The following NELL1 variants were observed in gnomAD, a reference collection of about 807,000 sequenced individuals.
The protein encoded by NELL1 is protein kinase C-binding protein NELL1.
In NELL1, 76 loss-of-function variants were observed where a neutral mutation model predicts 107.4. The observed-to-expected ratio is 0.71, with a 90% CI of 0.59 to 0.86. The LOEUF (loss-of-function observed/expected upper bound fraction) is 0.86. Ranked by LOEUF, NELL1 falls within the 40% of genes least tolerant of loss-of-function variation. The pLI is 0.00. For synonymous variants in NELL1, 353 were observed against 341.2 expected (o/e 1.03, Z -0.38); for missense variants, 1,024 against 1,005.5 (o/e 1.02, Z -0.25).
intron 2 of NELL1, among the ~76,000 whole-genome samples, chr11:20,752,968 G>T (rs554799005): frequency 6.6e-6 from 1 of 152,044 alleles, no homozygotes; most frequent in Non-Finnish European, 1.5e-5. Flanking sequence ...ATTAACAGAT[G>T]ACACACACAC....
At chr11:20,931,255 C>A (rs1021744443) in intron 9 of NELL1, among the ~76,000 whole-genome samples, 1 of 152,026 alleles carries the variant, frequency 6.6e-6, no homozygotes, top group Non-Finnish European at 1.5e-5. Context: ...GGATGCTTCC[C>A]GGAGGACATG....
intron 15 of NELL1, among the ~76,000 whole-genome samples, chr11:21,525,761 G>C (rs888948348): frequency 6.6e-6 from 1 of 152,110 alleles, no homozygotes; most frequent in Admixed American, 6.5e-5. Context: ...AGCTTGTGCA[G>C]GGGAACTCCC....
chr11:21,167,991 C>T (rs1856522084), intron 13 of NELL1, among the ~76,000 whole-genome samples: 1 of 151,670 alleles, frequency 6.6e-6, no homozygotes, highest in East Asian at 1.9e-4. Context: ...TAATAGTTTG[C>T]TCATTGACTT....
intron 12 of NELL1, among the ~76,000 whole-genome samples, chr11:21,086,463 G>A (rs963335404): frequency 6.6e-6 from 1 of 152,090 alleles, no homozygotes; most frequent in African/African-American, 2.4e-5. Context: ...AGTCTTTTCA[G>A]GTCATCAATA....
intron 14 of NELL1, among the ~76,000 whole-genome samples, chr11:21,312,714 C>T (rs553368171): frequency 1.3e-5 from 2 of 152,110 alleles, no homozygotes; most frequent in Non-Finnish European, 2.9e-5. Flanking sequence ...CACAGAATTG[C>T]CACAACTACA....
chr11:20,797,652 T>G (rs1271121274), intron 3 of NELL1, among the ~76,000 whole-genome samples: 1 of 151,482 alleles, frequency 6.6e-6, no homozygotes, highest in Non-Finnish European at 1.5e-5. Context: ...TCCTGCACTA[T>G]TTCAGATAAT....
chr11:21,214,650 A>G (rs888033819), intron 13 of NELL1, among the ~76,000 whole-genome samples: 1 of 152,188 alleles, frequency 6.6e-6, no homozygotes, highest in African/African-American at 2.4e-5. Flanking sequence ...GAAACTAAAC[A>G]TGTTCTTACC....
At chr11:20,852,490 A>G (rs960554212) in intron 4 of NELL1, among the ~76,000 whole-genome samples, 1 of 152,216 alleles carries the variant, frequency 6.6e-6, no homozygotes, top group African/African-American at 2.4e-5. Context: ...ATCTGTTGAT[A>G]TGGCATCTTC....
At chr11:21,379,693 G>T (rs1229863678) in intron 15 of NELL1, among the ~76,000 whole-genome samples, 2 of 151,986 alleles carry the variant, frequency 1.3e-5, no homozygotes, top group African/African-American at 4.8e-5. Flanking sequence ...CTTTTCTAAA[G>T]GAAAAATTTT....
chr11:21,333,452 A>G (rs557156698), intron 14 of NELL1, among the ~76,000 whole-genome samples: 1 of 152,222 alleles, frequency 6.6e-6, no homozygotes. Context: ...ATGCAGTTTG[A>G]GTAGACAAGG....
chr11:20,784,183 G>T (rs915942753), intron 3 of NELL1, among the ~76,000 whole-genome samples: 4 of 152,144 alleles, frequency 2.6e-5, no homozygotes, highest in African/African-American at 9.7e-5. Flanking sequence ...TTGACACTGG[G>T]AATATTAAGG....
intron 12 of NELL1, among the ~76,000 whole-genome samples, chr11:21,037,531 C>T (rs1051772493): frequency 2.6e-5 from 4 of 152,110 alleles, no homozygotes; most frequent in Admixed American, 1.3e-4. Context: ...ACATGTTCCC[C>T]GATGTATGCC....
chr11:21,059,528 C>G (rs962777548), intron 12 of NELL1, among the ~76,000 whole-genome samples: 1 of 151,918 alleles, frequency 6.6e-6, no homozygotes, highest in Non-Finnish European at 1.5e-5. Context: ...TATTAATTAC[C>G]CTGGTATAAT....
chr11:20,797,709 G>A (rs764509319), intron 3 of NELL1, among the ~76,000 whole-genome samples: 4 of 152,048 alleles, frequency 2.6e-5, no homozygotes, highest in African/African-American at 9.7e-5. Flanking sequence ...ACTGGATGTA[G>A]TTCTATATTA....
intron 5 of NELL1, among the ~76,000 whole-genome samples, chr11:20,915,211 C>A: frequency 6.6e-6 from 1 of 151,906 alleles, no homozygotes; most frequent in East Asian, 1.9e-4. Context: ...GAGTTGGATG[C>A]AATAATTTTA....
chr11:21,316,554 G>T (rs1378798408), intron 14 of NELL1, among the ~76,000 whole-genome samples: 1 of 152,076 alleles, frequency 6.6e-6, no homozygotes, highest in Non-Finnish European at 1.5e-5. Context: ...TCTCAAACTG[G>T]CTTCATCTAG....
intron 2 of NELL1, among the ~76,000 whole-genome samples, chr11:20,769,948 G>A (rs996129106): frequency 1.1e-4 from 16 of 152,166 alleles, no homozygotes; most frequent in Admixed American, 3.9e-4. Context: ...AAAAGACTGC[G>A]TGGGAGCCTA....
chr11:21,050,809 T>C (rs1853473969), intron 12 of NELL1, among the ~76,000 whole-genome samples: 1 of 152,164 alleles, frequency 6.6e-6, no homozygotes, highest in Non-Finnish European at 1.5e-5. Context: ...TCTGATACTC[T>C]GTAATTCTGA....
chr11:21,204,698 T>A (rs1263320494), intron 13 of NELL1, among the ~76,000 whole-genome samples: 2 of 151,962 alleles, frequency 1.3e-5, no homozygotes, highest in Admixed American at 6.6e-5. Context: ...GGAGTTCTTT[T>A]TTTCTGGAAT....
Sources: gnomAD v4.1 joint callset for allele counts (sites outside exome capture counted in the v4.1 genomes callset) on GRCh38, gnomAD v4.1.1 for gene constraint, MANE v1.5 for transcripts, NCBI Gene and HGNC (gene_info 2026-07-23, HGNC 2026-07-21) for gene names.